Variants in SPATA16 observed in about 807,000 individuals in gnomAD.
SPATA16 encodes spermatogenesis-associated protein 16.
In SPATA16, 36 loss-of-function variants were observed where a neutral mutation model predicts 63.3. That is an observed-to-expected ratio of 0.57 (90% CI 0.44 to 0.75). SPATA16 has a LOEUF of 0.75. SPATA16 is among the 30% of genes least tolerant of loss of function. SPATA16 has a pLI of 0.00. For missense variants in SPATA16, 646 were observed against 679.3 expected (o/e 0.95, Z 0.54); for synonymous variants, 203 against 216.7 (o/e 0.94, Z 0.56).
At chr3:172,960,566 C>T (rs1288708929) in intron 5 of SPATA16, among the ~76,000 whole-genome samples, 1 of 152,116 alleles carries the variant, frequency 6.6e-6, no homozygotes, top group Non-Finnish European at 1.5e-5. Flanking sequence ...TCTCCTTGTA[C>T]TGTAGCTAAG....
intron 3 of SPATA16, among the ~76,000 whole-genome samples, chr3:173,023,851 A>G (rs1341290315): frequency 6.6e-6 from 1 of 151,486 alleles, no homozygotes; most frequent in Admixed American, 6.6e-5. Flanking sequence ...ATCTATGTAT[A>G]TGCACACACA....
At chr3:173,067,536 C>T (rs1363529053) in intron 2 of SPATA16, among the ~76,000 whole-genome samples, 1 of 151,956 alleles carries the variant, frequency 6.6e-6, no homozygotes, top group Non-Finnish European at 1.5e-5. Flanking sequence ...ACACTAAAGC[C>T]CCTTGACATG....
intron 10 of SPATA16, among the ~76,000 whole-genome samples, chr3:172,897,408 A>C (rs897941599): frequency 2.0e-5 from 3 of 152,116 alleles, no homozygotes; most frequent in African/African-American, 7.2e-5. Flanking sequence ...ATATTATGTG[A>C]GGTCTTTCAG....
chr3:172,996,529 G>C (rs753545234), intron 4 of SPATA16, among the ~76,000 whole-genome samples: 1 of 152,032 alleles, frequency 6.6e-6, no homozygotes, highest in Non-Finnish European at 1.5e-5. Context: ...GCAAAATTGA[G>C]TGGAAAGTAC....
chr3:172,967,621 G>A (rs1306223730), intron 5 of SPATA16, among the ~76,000 whole-genome samples: 9 of 152,200 alleles, frequency 5.9e-5, no homozygotes, highest in African/African-American at 1.7e-4. Flanking sequence ...TGGCGGGCCA[G>A]TAAGAAGCTT....
chr3:173,124,068 T>G (rs1738161589), intron 1 of SPATA16, among the ~76,000 whole-genome samples: 1 of 152,310 alleles, frequency 6.6e-6, no homozygotes, highest in African/African-American at 2.4e-5. Flanking sequence ...AGCCATTTGC[T>G]GATCACTAAG....
At chr3:173,017,895 A>C (rs1438518381) in intron 4 of SPATA16, among the ~76,000 whole-genome samples, 1 of 152,224 alleles carries the variant, frequency 6.6e-6, no homozygotes, top group African/African-American at 2.4e-5. Flanking sequence ...GTGAAACAGA[A>C]GGACACTTAC....
At position 172,889,537 on chromosome 3, in the gene SPATA16, G is replaced by T; in HGVS notation, c.*33C>A. The T allele has an allele frequency of 1.2e-6, 2 of 1,612,872 alleles. No individual in the cohort carries two copies. Among genetic ancestry groups the T allele is most frequent in the South Asian group, 1.1e-5 (1 of 91,036 alleles). ...TGGATGCCCTTGCCTCTTCTTCTGG[G>T]ATATCTTAGTGGTAGTGCCTGCTCC... On this transcript the variant is annotated 3_prime_UTR_variant, in exon 11 of 11. Coordinates refer to ENST00000351008, the MANE Select transcript of SPATA16 (RefSeq NM_031955.6).
chr3:173,041,638 C>G (rs934601628), intron 3 of SPATA16, among the ~76,000 whole-genome samples: 1 of 152,052 alleles, frequency 6.6e-6, no homozygotes, highest in South Asian at 2.1e-4. Context: ...CTGGCACCCG[C>G]AATGTTCCCT....
At chr3:173,102,311 G>A (rs1354570791) in intron 2 of SPATA16, among the ~76,000 whole-genome samples, 2 of 152,152 alleles carry the variant, frequency 1.3e-5, no homozygotes, top group Non-Finnish European at 2.9e-5. Flanking sequence ...ATATTATTGT[G>A]TTAGGTCATT....
intron 4 of SPATA16, among the ~76,000 whole-genome samples, chr3:172,988,479 C>A (rs1025222511): frequency 2.0e-5 from 3 of 152,168 alleles, no homozygotes; most frequent in Admixed American, 6.5e-5. Flanking sequence ...ATATGCCAAT[C>A]GTGCTTGTCA....
At chr3:172,906,199 A>G (rs1482751939) in intron 10 of SPATA16, among the ~76,000 whole-genome samples, 1 of 152,156 alleles carries the variant, frequency 6.6e-6, no homozygotes, top group Non-Finnish European at 1.5e-5. Context: ...TAAAACTCCA[A>G]GGGACCTTGG....
intron 4 of SPATA16, among the ~76,000 whole-genome samples, chr3:173,004,254 A>G (rs1475601358): frequency 6.6e-6 from 1 of 152,178 alleles, no homozygotes; most frequent in Non-Finnish European, 1.5e-5. Context: ...GACAGAAATG[A>G]AGGAAAGGAA....
At chr3:173,090,906 A>G (rs1410511961) in intron 2 of SPATA16, among the ~76,000 whole-genome samples, 1 of 152,192 alleles carries the variant, frequency 6.6e-6, no homozygotes, top group African/African-American at 2.4e-5. Flanking sequence ...GAGTATAAAT[A>G]CAATTTAGTT....
intron 5 of SPATA16, among the ~76,000 whole-genome samples, chr3:172,961,952 T>C (rs576292484): frequency 6.6e-6 from 1 of 152,102 alleles, no homozygotes; most frequent in Admixed American, 6.5e-5. Context: ...TCCTGTCAGC[T>C]GCCTTAAGAA....
At chr3:173,102,687 G>A (rs928446002) in intron 2 of SPATA16, among the ~76,000 whole-genome samples, 4 of 152,144 alleles carry the variant, frequency 2.6e-5, no homozygotes, top group Non-Finnish European at 5.9e-5. Context: ...ATCTCAACAT[G>A]AGATTTGGAG....
At chr3:172,993,681 C>T (rs1425749281) in intron 4 of SPATA16, among the ~76,000 whole-genome samples, 1 of 152,122 alleles carries the variant, frequency 6.6e-6, no homozygotes, top group Non-Finnish European at 1.5e-5. Flanking sequence ...AGGTTGTATA[C>T]ACAAAACAAC....
Position 173,117,711 on chromosome 3 carries a change from C to G in SPATA16, c.21G>C (p.Arg7Ser), listed in dbSNP as rs1205394760. The G allele has an allele frequency of 1.3e-5, 21 of 1,614,132 alleles. No individual in the cohort carries two copies. The highest frequency in any genetic ancestry group is 1.7e-5 in the Non-Finnish European group (20 of 1,180,006). ...TCCTATTCACTGCATTCTCCAAACT[C>G]CTACTGCTTCCTGCATCCATCGATC... MDAGSS[R>S]SLENAVNRIY... Residue 7 changes from arginine (R) to serine (S), a missense_variant, in exon 2 of 11, where the codon AGG becomes AGC. Physicochemically the swap from Arg to Ser is moderately radical, Grantham distance 110. Coordinates refer to ENST00000351008, the MANE Select transcript of SPATA16 (RefSeq NM_031955.6).
intron 1 of SPATA16, among the ~76,000 whole-genome samples, chr3:173,139,108 T>C (rs1048565162): frequency 3.9e-5 from 6 of 152,208 alleles, no homozygotes; most frequent in Non-Finnish European, 8.8e-5. Context: ...CCTCATGTAA[T>C]TGTTGAGAAG....
Sources: allele counts gnomAD v4.1 joint callset (sites outside exome capture counted in the v4.1 genomes callset), GRCh38; gene constraint gnomAD v4.1.1; transcripts MANE v1.5; gene names NCBI Gene and HGNC (gene_info 2026-07-23, HGNC 2026-07-21).